Variants in PTPRG observed in about 807,000 individuals in gnomAD.
PTPRG encodes receptor-type tyrosine-protein phosphatase gamma.
In PTPRG, 102 loss-of-function variants were observed where a neutral mutation model predicts 165.3. The ratio of observed to expected loss-of-function variants is 0.62; its 90% CI spans 0.53 to 0.73. PTPRG has a LOEUF of 0.73. Ranked by LOEUF, PTPRG falls within the 30% of genes least tolerant of loss-of-function variation. PTPRG has a pLI of 0.00. For missense variants in PTPRG, 1,866 were observed against 1,861.4 expected (o/e 1.00, Z -0.05); for synonymous variants, 675 against 669.5 (o/e 1.01, Z -0.13).
intron 1 of PTPRG, among the ~76,000 whole-genome samples, chr3:61,571,118 A>G (rs551471406): frequency 2.2e-4 from 34 of 152,338 alleles, no homozygotes; most frequent in Middle Eastern, 6.8e-3. Context: ...CTTACCAAGC[A>G]CATGTGATCT....
intron 1 of PTPRG, among the ~76,000 whole-genome samples, chr3:61,582,977 G>A (rs571486560): frequency 1.1e-4 from 17 of 152,174 alleles, no homozygotes; most frequent in Admixed American, 7.9e-4. Context: ...ACCTTCCTAC[G>A]GGTATCCTGG....
At chr3:61,661,301 C>A (rs984874740) in intron 1 of PTPRG, among the ~76,000 whole-genome samples, 34 of 132,176 alleles carry the variant, frequency 2.6e-4, no homozygotes, top group African/African-American at 8.6e-4. Context: ...TGTCATCTTA[C>A]TATTTTTATA....
At chr3:61,881,749 A>G (rs2037894572) in intron 2 of PTPRG, among the ~76,000 whole-genome samples, 2 of 152,136 alleles carry the variant, frequency 1.3e-5, no homozygotes, top group African/African-American at 2.4e-5. Flanking sequence ...CCAGATACCT[A>G]TCCTCTTGGC....
At chr3:62,269,204 C>A in intron 20 of PTPRG, 35 bp downstream of exon 20, 2 of 1,528,966 alleles carry the variant, frequency 1.3e-6, no homozygotes, top group South Asian at 1.3e-5. Context: ...CCAGGGCATC[C>A]CCTTTTTATA....
At chr3:62,076,944 G>A (rs1033301422) in intron 4 of PTPRG, among the ~76,000 whole-genome samples, 3 of 152,188 alleles carry the variant, frequency 2.0e-5, no homozygotes, top group Admixed American at 6.6e-5. Context: ...ATGATTCTGA[G>A]TTGACTTACC....
intron 1 of PTPRG, among the ~76,000 whole-genome samples, chr3:61,694,220 ACTCT>A (rs373730205): frequency 6.6e-6 from 1 of 152,150 alleles, no homozygotes; most frequent in Non-Finnish European, 1.5e-5. Context: ...GGAATGACTA[ACTCT>A]CTAACAGAGA....
chr3:61,621,033 G>GTGTGTGTATATATATATATATATATA (rs767786792), intron 1 of PTPRG, among the ~76,000 whole-genome samples: 1 of 129,992 alleles, frequency 7.7e-6, no homozygotes, highest in African/African-American at 2.8e-5. Flanking sequence ...GTGTGTGTGT[G>GTGTGTGTATATATATATATATATATA]TATATATATA....
At chr3:61,607,260 T>G (rs925518796) in intron 1 of PTPRG, among the ~76,000 whole-genome samples, 5 of 152,230 alleles carry the variant, frequency 3.3e-5, no homozygotes, top group Non-Finnish European at 5.9e-5. Flanking sequence ...AAGCTGTGGG[T>G]ACAGAGCAGT....
At chr3:62,085,137 C>T (rs190870868) in intron 5 of PTPRG, among the ~76,000 whole-genome samples, 4 of 152,304 alleles carry the variant, frequency 2.6e-5, no homozygotes, top group Non-Finnish European at 5.9e-5. Flanking sequence ...GTGCATTGAC[C>T]TCAATTATTG....
chr3:62,036,046 A>G, intron 4 of PTPRG, among the ~76,000 whole-genome samples: 1 of 112,350 alleles, frequency 8.9e-6, no homozygotes, highest in Admixed American at 1.1e-4. Context: ...TCAGTGACCA[A>G]AAAAAAAAAA....
chr3:62,107,677 T>C (rs1318433350), intron 5 of PTPRG, among the ~76,000 whole-genome samples: 4 of 152,354 alleles, frequency 2.6e-5, no homozygotes, highest in East Asian at 3.9e-4. Flanking sequence ...TGAATACTGA[T>C]ATTCTCTTCT....
intron 1 of PTPRG, among the ~76,000 whole-genome samples, chr3:61,638,591 G>GTTGTT (rs1701981285): frequency 1.7e-5 from 1 of 58,704 alleles, no homozygotes; most frequent in Non-Finnish European, 3.0e-5. Context: ...TGCCTGGCTA[G>GTTGTT]TTTTTTTTTT....
At chr3:62,292,693 T>A in intron 29 of PTPRG, 137 bp downstream of exon 29, 1 of 934,868 alleles carries the variant, frequency 1.1e-6, no homozygotes, top group Non-Finnish European at 1.6e-6. Flanking sequence ...CTTTTTTGCT[T>A]GTCACAACTG....
intron 5 of PTPRG, among the ~76,000 whole-genome samples, chr3:62,115,155 T>C (rs536965243): frequency 6.6e-6 from 1 of 152,302 alleles, no homozygotes; most frequent in Admixed American, 6.5e-5. Flanking sequence ...TCCTACCTCT[T>C]GATCCATACC....
intron 7 of PTPRG, among the ~76,000 whole-genome samples, chr3:62,161,101 G>T (rs1468780131): frequency 6.6e-6 from 1 of 152,018 alleles, no homozygotes; most frequent in East Asian, 1.9e-4. Flanking sequence ...GTAACATCAT[G>T]ATGATAATAC....
chr3:62,142,099 G>A (rs866498077), intron 6 of PTPRG, among the ~76,000 whole-genome samples: 12 of 150,120 alleles, frequency 8.0e-5, no homozygotes, highest in Middle Eastern at 3.2e-3. Context: ...GTAAAGTTAA[G>A]CAAGGCAGGC....
intron 6 of PTPRG, among the ~76,000 whole-genome samples, chr3:62,132,935 C>G: frequency 6.6e-6 from 1 of 152,330 alleles, no homozygotes; most frequent in African/African-American, 2.4e-5. Flanking sequence ...TTAAGATGTA[C>G]TATTCTTATG....
At chr3:61,927,547 A>G (rs76198173) in intron 2 of PTPRG, among the ~76,000 whole-genome samples, 3,342 of 152,282 alleles carry the variant, frequency 0.022, 94 homozygotes, top group African/African-American at 0.064. Context: ...AGAAGCCTCT[A>G]TCCCATTTAT....
intron 2 of PTPRG, among the ~76,000 whole-genome samples, chr3:61,808,892 G>A (rs1390195788): frequency 2.6e-5 from 4 of 151,180 alleles, no homozygotes; most frequent in Non-Finnish European, 2.9e-5. Flanking sequence ...TTGTATCTTT[G>A]TTGATAAAAA....
Sources: allele counts gnomAD v4.1 joint callset (sites outside exome capture counted in the v4.1 genomes callset), GRCh38; gene constraint gnomAD v4.1.1; transcripts MANE v1.5; gene names NCBI Gene and HGNC (gene_info 2026-07-23, HGNC 2026-07-21).